Variants in RAB27B observed in about 807,000 individuals in gnomAD.
RAB27B encodes the protein RAB27B, member RAS oncogene family, also known as ras-related protein Rab-27B.
In RAB27B, 15 loss-of-function variants were observed where a neutral mutation model predicts 24.6. The ratio of observed to expected loss-of-function variants is 0.61; its 90% CI spans 0.41 to 0.94. The LOEUF is 0.94. RAB27B is among the 40% of genes least tolerant of loss of function. The pLI is 0.00. For synonymous variants in RAB27B, 105 were observed against 92.5 expected, an observed-to-expected ratio of 1.14 and a Z score of -0.78; for missense variants, 261 against 266.8, an observed-to-expected ratio of 0.98 and a Z score of 0.15.
intron 2 of RAB27B, among the ~76,000 whole-genome samples, chr18:54,761,192 T>C (rs755235928): frequency 6.6e-6 from 1 of 152,272 alleles, no homozygotes; most frequent in African/African-American, 2.4e-5. Context: ...AGCCCCATTG[T>C]AGTTTTTCAG....
At chr18:54,758,166 A>C (rs1277621032) in intron 2 of RAB27B, among the ~76,000 whole-genome samples, 1 of 152,034 alleles carries the variant, frequency 6.6e-6, no homozygotes, top group African/African-American at 2.4e-5. Context: ...TTTTCAATTC[A>C]ATATCTAGGT....
chr18:54,810,026 T>C (rs970912566), intron 2 of RAB27B, among the ~76,000 whole-genome samples: 4 of 152,186 alleles, frequency 2.6e-5, no homozygotes, highest in Admixed American at 6.5e-5. Flanking sequence ...TTGAGAACAA[T>C]TGATCTGAAA....
At chr18:54,719,228 C>T (rs1441226036) in intron 2 of RAB27B, among the ~76,000 whole-genome samples, 5 of 151,934 alleles carry the variant, frequency 3.3e-5, no homozygotes, top group Non-Finnish European at 5.9e-5. Context: ...GTTTAAGTTT[C>T]TTGTATTTGA....
intron 2 of RAB27B, among the ~76,000 whole-genome samples, chr18:54,741,292 G>T (rs1598871094): frequency 6.6e-6 from 1 of 152,048 alleles, no homozygotes; most frequent in Non-Finnish European, 1.5e-5. Context: ...AGCTAAAGAG[G>T]TTTATCACCT....
intron 2 of RAB27B, among the ~76,000 whole-genome samples, chr18:54,735,431 T>C (rs1909858555): frequency 6.6e-6 from 1 of 152,226 alleles, no homozygotes; most frequent in South Asian, 2.1e-4. Context: ...GACAGAGCTG[T>C]GCCTATCTAG....
intron 2 of RAB27B, among the ~76,000 whole-genome samples, chr18:54,808,205 C>T (rs960902027): frequency 1.3e-5 from 2 of 152,168 alleles, no homozygotes; most frequent in African/African-American, 4.8e-5. Flanking sequence ...AACACACATT[C>T]CCTGTATCTG....
chr18:54,723,753 ATT>A (rs542362666), intron 2 of RAB27B, among the ~76,000 whole-genome samples: 100 of 152,250 alleles, frequency 6.6e-4, no homozygotes, highest in African/African-American at 2.2e-3. Flanking sequence ...AGCTTGCATA[ATT>A]TTTCTCTCCC....
chr18:54,866,854 C>G (rs920854690), intron 1 of RAB27B, among the ~76,000 whole-genome samples: 1 of 152,126 alleles, frequency 6.6e-6, no homozygotes, highest in African/African-American at 2.4e-5. Context: ...ATGGAAGACA[C>G]CAATTCAAGG....
chr18:54,892,723 A>G lies in RAB27B; in HGVS notation c.*3310A>G, dbSNP rs1315300145. 1 of 151,940 alleles carries G rather than the reference A, an allele frequency of 6.6e-6. No individual in the cohort carries two copies. The highest frequency in any genetic ancestry group is 2.4e-5 in the African/African-American group (1 of 41,376). The allele number at this position is 151,940 out of a possible 1,614,324, so 9.4% of individuals were successfully genotyped here. ...TTACCACTTTATCCAATTTGCTATC[A>G]TTTTCGTATTATCAGCTATCGCCCT... On this transcript the variant is annotated 3_prime_UTR_variant, in exon 6 of 6. Transcript: ENST00000262094.
rs1913343760 is a variant in RAB27B at position 54,890,988 on chromosome 18, T to G, written c.*1575T>G. 9.2e-4 allele frequency: 1 copy of G among 1,086 alleles called. No individual in the cohort carries two copies. The highest frequency in any genetic ancestry group is 0.014 in the Non-Finnish European group (1 of 72). The allele number at this position is 1,086 out of a possible 1,614,324, so 0.1% of individuals were successfully genotyped here. On this transcript the variant is annotated 3_prime_UTR_variant, in exon 6 of 6. Transcript: ENST00000262094. ...AAATAACAAAGACAATATATTTTCG[T>G]TTTTTTTTATTATGAGCATATGATT...
chr18:54,878,987 G>GT (rs1322570751), intron 2 of RAB27B, among the ~76,000 whole-genome samples: 9 of 152,258 alleles, frequency 5.9e-5, no homozygotes, highest in African/African-American at 1.7e-4. Flanking sequence ...GCAGTTTGAA[G>GT]TAACTCTGTA....
intron 2 of RAB27B, among the ~76,000 whole-genome samples, chr18:54,764,842 C>T (rs999443137): frequency 2.6e-5 from 4 of 152,076 alleles, no homozygotes; most frequent in Admixed American, 6.6e-5. Flanking sequence ...TTCTAACTGC[C>T]GCATGCTGTC....
chr18:54,864,997 G>A (rs890839624), intron 1 of RAB27B, among the ~76,000 whole-genome samples: 6 of 152,028 alleles, frequency 3.9e-5, no homozygotes, highest in African/African-American at 1.5e-4. Context: ...TTGTTTTAAA[G>A]ACTAAATGTG....
intron 2 of RAB27B, among the ~76,000 whole-genome samples, chr18:54,777,763 C>T (rs1043799399): frequency 6.6e-6 from 1 of 152,056 alleles, no homozygotes; most frequent in Non-Finnish European, 1.5e-5. Flanking sequence ...TTCTTATTTC[C>T]TTTATGCTGT....
chr18:54,755,245 C>G (rs559566649), intron 2 of RAB27B, among the ~76,000 whole-genome samples: 1 of 152,182 alleles, frequency 6.6e-6, no homozygotes, highest in Non-Finnish European at 1.5e-5. Flanking sequence ...CAAAAATTAG[C>G]TGGGCATGGT....
intron 4 of RAB27B, among the ~76,000 whole-genome samples, chr18:54,887,015 C>T (rs1462632020): frequency 3.5e-5 from 4 of 114,404 alleles, no homozygotes; most frequent in Non-Finnish European, 7.5e-5. Flanking sequence ...CCAACTCTCC[C>T]TCCCTTCCTC....
chr18:54,845,463 C>T (rs1381372130), intron 1 of RAB27B, among the ~76,000 whole-genome samples: 2 of 150,330 alleles, frequency 1.3e-5, no homozygotes, highest in African/African-American at 4.9e-5. Flanking sequence ...CCTTCGGATA[C>T]CTCTAGCTAA....
chr18:54,866,286 C>T (rs1186895309), intron 1 of RAB27B, among the ~76,000 whole-genome samples: 1 of 152,080 alleles, frequency 6.6e-6, no homozygotes. Context: ...CCCGCCTCCC[C>T]GCCCCTGCCC....
At chr18:54,866,886 G>C (rs941827498) in intron 1 of RAB27B, among the ~76,000 whole-genome samples, 1 of 152,174 alleles carries the variant, frequency 6.6e-6, no homozygotes, top group Non-Finnish European at 1.5e-5. Context: ...CGGGAAACAA[G>C]TTCAAAGGTT....
Sources: gnomAD v4.1 joint callset for allele counts (sites outside exome capture counted in the v4.1 genomes callset) on GRCh38, gnomAD v4.1.1 for gene constraint, MANE v1.5 for transcripts, NCBI Gene and HGNC (gene_info 2026-07-23, HGNC 2026-07-21) for gene names.